Variants in GHITM observed in about 807,000 individuals in gnomAD.
The protein encoded by GHITM is growth hormone-inducible transmembrane protein.
In GHITM, 24 loss-of-function variants were observed where a neutral mutation model predicts 38.7. The observed-to-expected ratio is 0.62, with a 90% CI of 0.45 to 0.87. GHITM has a LOEUF of 0.87. GHITM is among the 40% of genes least tolerant of loss of function. The pLI is 0.00. For missense variants in GHITM, 420 were observed against 429.8 expected (o/e 0.98, Z 0.20); for synonymous variants, 154 against 147.8 (o/e 1.04, Z -0.30).
At chr10:84,140,280 C>T (rs1227774479) in intron 1 of GHITM, 13 of 152,274 alleles carry the variant, frequency 8.5e-5, no homozygotes. Flanking sequence ...GGGTGTTTTC[C>T]CAAAGGCCGG....
intron 2 of GHITM, 132 bp downstream of exon 2, chr10:84,141,761 T>C: frequency 1.3e-6 from 1 of 784,900 alleles, no homozygotes. Flanking sequence ...AATCAGCTCT[T>C]TCTCCCCATT....
intron 8 of GHITM, among the ~76,000 whole-genome samples, chr10:84,151,610 C>T (rs913747766): frequency 2.6e-5 from 4 of 151,978 alleles, no homozygotes; most frequent in Non-Finnish European, 5.9e-5. Context: ...TTTTATACTT[C>T]TAGAAATTAG....
intron 5 of GHITM, among the ~76,000 whole-genome samples, chr10:84,146,874 TACAAACACAC>T (rs1841561458): frequency 1.3e-5 from 2 of 152,176 alleles, no homozygotes; most frequent in Admixed American, 1.3e-4. Flanking sequence ...GACATATATA[TACAAACACAC>T]ACATAGACAC....
In GHITM at chr10:84,148,821, C is replaced by A. The variant is rs1329058212; in HGVS notation, c.575C>A (p.Ala192Asp). The A allele has an allele frequency of 5.0e-6, 8 of 1,603,270 alleles. 1 individual carries two copies. The South Asian group carries it at 7.7e-5, about 15-fold the overall frequency. ...YDQSPGPKHLAWLLHSGVMGA... is the reference protein window; with the variant it reads ...YDQSPGPKHLDWLLHSGVMGA... ...CAGAGCCCAGGCCCAAAGCATCTTG[C>A]TTGGTTGCTACATTCTGGTATGTTC... is the stretch of plus-strand genomic sequence containing the variant. The change falls in exon 6 of 9, where the codon GCT becomes GAT. Residue 192 changes from alanine (A) to aspartate (D), a missense_variant. Coordinates refer to ENST00000372134, the MANE Select transcript of GHITM (RefSeq NM_014394.3).
intron 6 of GHITM, 132 bp from the exon 7 acceptor site, chr10:84,149,923 A>G (rs1332337538): frequency 1.6e-6 from 1 of 637,414 alleles, no homozygotes; most frequent in Non-Finnish European, 2.4e-6. Context: ...GGGTAGTATT[A>G]TCTAAAGGCA....
chr10:84,143,807 T>G (rs1841531069), intron 3 of GHITM, among the ~76,000 whole-genome samples, 188 bp from the exon 4 acceptor site: 1 of 152,214 alleles, frequency 6.6e-6, no homozygotes, highest in Non-Finnish European at 1.5e-5. Context: ...TGTACTGATT[T>G]TTACACCTTT....
intron 6 of GHITM, 31 bp downstream of exon 6, chr10:84,148,869 A>G (rs763416927): frequency 3.1e-6 from 4 of 1,292,334 alleles, no homozygotes; most frequent in East Asian, 2.3e-5. Flanking sequence ...TTACGAGACA[A>G]CCTTGACTAC....
At position 84,141,598 on chromosome 10, in the gene GHITM, C is replaced by T. The variant is rs199600489; in HGVS notation, c.98C>T (p.Thr33Met). Reference protein sequence around the residue: ...KASPVVKNSITKNQWLLTPSR... With the variant: ...KASPVVKNSIMKNQWLLTPSR... ...TCCCCTGTTGTGAAGAATTCCATCA[C>T]GAAGAATCAATGGCTGTTAACACCT... Residue 33 changes from threonine to methionine, a missense_variant, in exon 2 of 9, where the codon ACG becomes ATG. Coordinates refer to ENST00000372134, the MANE Select transcript of GHITM (RefSeq NM_014394.3). 1.8e-4 allele frequency: 288 copies of T among 1,613,582 alleles called. No homozygotes were observed. The highest frequency in any genetic ancestry group is 2.3e-4 in the Non-Finnish European group (267 of 1,179,502).
chr10:84,144,934 G>C lies in GHITM; in HGVS notation c.401G>C (p.Ser134Thr). ...IHSTYMYLAG[S>T]IGLTALSAIA... ...TCCACCTATATGTACTTAGCAGGGA[G>C]TATTGGTTTAACAGCTTTGTCTGCC... Residue 134 changes from serine (S) to threonine (T), a missense_variant, in exon 5 of 9, where the codon AGT (serine) becomes ACT (threonine). Physicochemically the swap from Ser to Thr is moderately conservative, Grantham distance 58. Transcript: ENST00000372134. 1 of 1,610,952 alleles carries C rather than the reference G, an allele frequency of 6.2e-7. No individual in the cohort carries two copies. The highest frequency in any genetic ancestry group is 2.2e-5 in the East Asian group (1 of 44,814).
rs778618042 is a variant in GHITM at position 84,150,057 on chromosome 10, G to A, written c.595G>A (p.Val199Met). ...KHLAWLLHSG[V>M]MGAVVAPLTI... ...ATGAGCACTTCCTCTTTCTCCAGGTGTGATGGGTGCAGTGGTGGCTCCTCT... is the reference window on the plus strand; with the variant it reads ...ATGAGCACTTCCTCTTTCTCCAGGTATGATGGGTGCAGTGGTGGCTCCTCT... Residue 199 changes from valine (V) to methionine (M), a missense_variant and splice_region_variant, in exon 7 of 9, where the codon GTG (valine) becomes ATG (methionine). Transcript: ENST00000372134. 4 of 1,538,118 alleles carry A rather than the reference G, an allele frequency of 2.6e-6. No homozygotes were observed. The highest frequency in any genetic ancestry group is 3.5e-6 in the Non-Finnish European group (4 of 1,136,908).
At chr10:84,148,362 G>A (rs928294456) in intron 5 of GHITM, among the ~76,000 whole-genome samples, 1 of 152,074 alleles carries the variant, frequency 6.6e-6, no homozygotes, top group South Asian at 2.1e-4. Flanking sequence ...GCACGATCTT[G>A]CCTCATTGCA....
chr10:84,144,090 G>C lies in GHITM; in HGVS notation c.325G>C (p.Ala109Pro), dbSNP rs778098500. ...CTTGGGACTGTCTAATGAGATTGGA[G>C]CTATTGAAAAGGCTGTGTAAGTAAA... ...YGLGLSNEIG[A>P]IEKAVIWPQY... Residue 109 changes from alanine (A) to proline (P), a missense_variant, in exon 4 of 9, where the codon GCT becomes CCT. Physicochemically the swap from Ala to Pro is conservative, Grantham distance 27. Coordinates refer to ENST00000372134, the MANE Select transcript of GHITM (RefSeq NM_014394.3). 6.2e-7 allele frequency: 1 copy of C among 1,609,292 alleles called. No homozygotes were observed. The highest frequency in any genetic ancestry group is 1.1e-5 in the South Asian group (1 of 91,010).
chr10:84,146,383 A>T (rs1841556952), intron 5 of GHITM, among the ~76,000 whole-genome samples: 1 of 152,200 alleles, frequency 6.6e-6, no homozygotes, highest in Non-Finnish European at 1.5e-5. Context: ...GAAATGAGGG[A>T]TGATAAGAAC....
intron 5 of GHITM, among the ~76,000 whole-genome samples, chr10:84,145,672 G>A (rs1841549939): frequency 6.6e-6 from 1 of 152,132 alleles, no homozygotes; most frequent in African/African-American, 2.4e-5. Flanking sequence ...ATATTTAATC[G>A]GTTTCTCTGG....
chr10:84,152,150 A>T, intron 8 of GHITM, 114 bp from the exon 9 acceptor site: 1 of 581,112 alleles, frequency 1.7e-6, no homozygotes, highest in Non-Finnish European at 3.0e-6. Context: ...TCTTATTTTT[A>T]ATTTCCATTT....
chr10:84,150,301 T>C (rs1841598463), intron 7 of GHITM, 58 bp downstream of exon 7: 7 of 1,248,108 alleles, frequency 5.6e-6, no homozygotes, highest in Admixed American at 4.8e-5. Context: ...TAACCTGAAA[T>C]ACTCCAATAT....
chr10:84,149,998 A>G (rs1841595581), intron 6 of GHITM, 57 bp from the exon 7 acceptor site: 7 of 1,303,956 alleles, frequency 5.4e-6, no homozygotes, highest in East Asian at 5.0e-5. Flanking sequence ...TAGAAGTGAT[A>G]TTTTCCTTTT....
chr10:84,149,498 A>G (rs184253167), intron 6 of GHITM, among the ~76,000 whole-genome samples: 4 of 152,222 alleles, frequency 2.6e-5, no homozygotes, highest in Admixed American at 2.6e-4. Context: ...TTTTTTTTCA[A>G]TTAAGGAGTT....
Position 84,153,291 on chromosome 10 carries a change from C to T in GHITM, c.*943C>T, listed in dbSNP as rs1293954416. 3 of 152,190 alleles carry T rather than the reference C, an allele frequency of 2.0e-5. No homozygotes were observed. The highest frequency in any genetic ancestry group is 1.5e-5 in the Non-Finnish European group (1 of 68,034). 9.4% of individuals were successfully genotyped at this position (152,190 alleles called of 1,614,324 possible). A position where few individuals can be genotyped will look rare whatever the true frequency, so the allele number is the denominator to read the frequency against. ...TATAGAAAAGCTTCTTTGTGGCTTA[C>T]ACTGGAAATTATGAAAGCAGTTTTT... On this transcript the variant is annotated 3_prime_UTR_variant, in exon 9 of 9. Coordinates refer to ENST00000372134, the MANE Select transcript of GHITM (RefSeq NM_014394.3).
Sources: gnomAD v4.1 joint callset for allele counts (sites outside exome capture counted in the v4.1 genomes callset) on GRCh38, gnomAD v4.1.1 for gene constraint, MANE v1.5 for transcripts, NCBI Gene and HGNC (gene_info 2026-07-23, HGNC 2026-07-21) for gene names.